TMPRSS4: variants seen among roughly 807,000 people sequenced by gnomAD.
The protein encoded by TMPRSS4 is transmembrane protease serine 4.
In TMPRSS4, 45 loss-of-function variants were observed where a neutral mutation model predicts 56.4. The observed-to-expected ratio is 0.80, with a 90% CI of 0.63 to 1.02. TMPRSS4 has a LOEUF of 1.02. Among genes scored for constraint, TMPRSS4 ranks in the 50% least tolerant of loss-of-function variants. The pLI is 0.00. For synonymous variants in TMPRSS4, 205 were observed against 211.0 expected (o/e 0.97, Z 0.25); for missense variants, 546 against 556.7 (o/e 0.98, Z 0.19).
At chr11:118,104,490 G>T (rs1351421379) in intron 4 of TMPRSS4, among the ~76,000 whole-genome samples, 1 of 152,184 alleles carries the variant, frequency 6.6e-6, no homozygotes, top group Non-Finnish European at 1.5e-5. Context: ...TGGGACTTCT[G>T]GTCACACTAG....
At chr11:118,108,551 A>T (rs1947114198) in intron 6 of TMPRSS4, 4 of 395,676 alleles carry the variant, frequency 1.0e-5, no homozygotes, top group Non-Finnish European at 1.3e-5. Context: ...AGTGTCACAG[A>T]CTCTGTTCCG....
In TMPRSS4 at chr11:118,077,121, C is replaced by A; in HGVS notation, c.-182C>A. 1 of 597,330 alleles carries A rather than the reference C, an allele frequency of 1.7e-6. No individual in the cohort carries two copies. The highest frequency in any genetic ancestry group is 2.9e-6 in the Non-Finnish European group (1 of 347,340). 37.0% of individuals were successfully genotyped at this position (597,330 alleles called of 1,614,324 possible). A position where few individuals can be genotyped will look rare whatever the true frequency, so the allele number is the denominator to read the frequency against. On this transcript the variant is annotated 5_prime_UTR_variant, in exon 1 of 13. Coordinates refer to ENST00000437212, the MANE Select transcript of TMPRSS4 (RefSeq NM_019894.4). ...GAGAGGCAGCAGCTTGCTCAGCGGACAAGGATGCTGGGCGTGAGGGACCAA... is the reference window on the plus strand; with the variant it reads ...GAGAGGCAGCAGCTTGCTCAGCGGAAAAGGATGCTGGGCGTGAGGGACCAA...
chr11:118,091,267 G>C (rs1945938957), intron 1 of TMPRSS4, among the ~76,000 whole-genome samples: 1 of 152,102 alleles, frequency 6.6e-6, no homozygotes. Context: ...CCTTGCTCCA[G>C]CCATGCCCAT....
chr11:118,115,818 A>G (rs958806142), intron 11 of TMPRSS4, among the ~76,000 whole-genome samples: 1 of 152,122 alleles, frequency 6.6e-6, no homozygotes, highest in African/African-American at 2.4e-5. Context: ...GCAAGACTCC[A>G]TCTGAAAACA....
intron 3 of TMPRSS4, among the ~76,000 whole-genome samples, chr11:118,102,339 G>T (rs1363886420): frequency 2.0e-5 from 3 of 152,226 alleles, no homozygotes; most frequent in African/African-American, 7.2e-5. Context: ...CTGCGAGGCA[G>T]ATATTATAGA....
intron 11 of TMPRSS4, 136 bp downstream of exon 11, chr11:118,115,416 AGAGG>A: frequency 9.0e-7 from 1 of 1,106,362 alleles, no homozygotes; most frequent in African/African-American, 1.6e-5. Flanking sequence ...TGGGAGGAAG[AGAGG>A]GAGGGAAGGA....
intron 1 of TMPRSS4, among the ~76,000 whole-genome samples, chr11:118,084,720 G>A (rs1174982163): frequency 6.6e-6 from 1 of 152,222 alleles, no homozygotes; most frequent in Non-Finnish European, 1.5e-5. Flanking sequence ...TATGTTTCAA[G>A]CACCAAGCCA....
At chr11:118,087,399 T>C (rs1263195535) in intron 1 of TMPRSS4, among the ~76,000 whole-genome samples, 2 of 152,194 alleles carry the variant, frequency 1.3e-5, no homozygotes, top group Non-Finnish European at 2.9e-5. Context: ...CGCCTCTTCT[T>C]CCTCTCCTTA....
chr11:118,107,889 C>T lies in TMPRSS4; in HGVS notation c.542+14C>T. ...GAACTCAAGTGGGTAAGTGAGGGGA[C>T]ACCTTCTGGCCTACAGAAGGCCCCC... On this transcript the variant is annotated intron_variant, in intron 6 of 12. Transcript: ENST00000437212. 6.2e-7 allele frequency: 1 copy of T among 1,611,302 alleles called. No individual in the cohort carries two copies. Among genetic ancestry groups the T allele is most frequent in the South Asian group, 1.1e-5 (1 of 90,798 alleles).
At position 118,094,851 on chromosome 11, in the gene TMPRSS4, C is replaced by A. The variant is rs989760562; in HGVS notation, c.39C>A (p.Ser13Arg). 3 of 1,612,434 alleles carry A rather than the reference C, an allele frequency of 1.9e-6. No individual in the cohort carries two copies. The highest frequency in any genetic ancestry group is 2.5e-6 in the Non-Finnish European group (3 of 1,179,366). The change falls in exon 2 of 13, where the codon AGC (serine) becomes AGA (arginine). Residue 13 changes from serine to arginine, a missense_variant. Transcript: ENST00000437212. ...CTGACAGTGATCAACCTCTGAACAG[C>A]CTCGGTAAGTTCAGGTCCGGCTTTC... is the stretch of plus-strand genomic sequence containing the variant. ...QDPDSDQPLNSLDVKPLRKPR... is the reference protein window; with the variant it reads ...QDPDSDQPLNRLDVKPLRKPR...
chr11:118,111,842 G>T lies in TMPRSS4; in HGVS notation c.685G>T (p.Val229Phe). The T allele has an allele frequency of 1.2e-6, 2 of 1,608,718 alleles. No individual in the cohort carries two copies. Among genetic ancestry groups the T allele is most frequent in the Non-Finnish European group, 1.7e-6 (2 of 1,177,846 alleles). ...QVSIQYDKQHVCGGSILDPHW... is the reference protein window; with the variant it reads ...QVSIQYDKQHFCGGSILDPHW... ...CAGCATCCAGTACGACAAACAGCAC[G>T]TCTGTGGAGGGAGCATCCTGGACCC... The change falls in exon 8 of 13, where the codon GTC becomes TTC. Residue 229 changes from valine (V) to phenylalanine (F), a missense_variant. By Grantham distance (50) the Val-to-Phe change is conservative (BLOSUM62 -1). Coordinates refer to ENST00000437212, the MANE Select transcript of TMPRSS4 (RefSeq NM_019894.4).
At chr11:118,111,974 C>T in intron 8 of TMPRSS4, 74 bp downstream of exon 8, 2 of 1,553,174 alleles carry the variant, frequency 1.3e-6, no homozygotes, top group Non-Finnish European at 1.7e-6. Context: ...GGTCCTGTCT[C>T]CTGGCACCGT....
At chr11:118,086,330 A>G (rs760396992) in intron 1 of TMPRSS4, among the ~76,000 whole-genome samples, 1 of 152,238 alleles carries the variant, frequency 6.6e-6, no homozygotes, top group Non-Finnish European at 1.5e-5. Flanking sequence ...CCCTGGAGCC[A>G]TTATGTGCTG....
chr11:118,101,895 C>T (rs991284543), intron 3 of TMPRSS4, among the ~76,000 whole-genome samples: 3 of 152,340 alleles, frequency 2.0e-5, no homozygotes, highest in Admixed American at 2.0e-4. Flanking sequence ...AATCTAAAGA[C>T]GGCGAGCAGA....
intron 2 of TMPRSS4, among the ~76,000 whole-genome samples, chr11:118,097,047 G>GAAAGGAAAGGAAAGGAAAGT (rs1207429785): frequency 6.6e-6 from 1 of 150,886 alleles, no homozygotes; most frequent in Non-Finnish European, 1.5e-5. Context: ...GGAAAGAAAG[G>GAAAGGAAAGGAAAGGAAAGT]AAAGGAAAGG....
intron 1 of TMPRSS4, among the ~76,000 whole-genome samples, chr11:118,089,290 G>A (rs1945795771): frequency 6.6e-6 from 1 of 152,188 alleles, no homozygotes; most frequent in Non-Finnish European, 1.5e-5. Flanking sequence ...AAAAGCCAAA[G>A]AATGAGCTAC....
At chr11:118,087,349 G>C (rs527902987) in intron 1 of TMPRSS4, among the ~76,000 whole-genome samples, 2 of 152,344 alleles carry the variant, frequency 1.3e-5, no homozygotes, top group East Asian at 3.9e-4. Flanking sequence ...GCAGACAGGA[G>C]CTGGCCGAGC....
intron 2 of TMPRSS4, chr11:118,095,185 A>T (rs1946219707): frequency 1.4e-5 from 4 of 293,556 alleles, no homozygotes; most frequent in Non-Finnish European, 2.6e-5. Flanking sequence ...ATGCTGGGCT[A>T]TAACACTAAT....
At chr11:118,102,983 G>T in intron 3 of TMPRSS4, 118 bp from the exon 4 acceptor site, 1 of 1,383,264 alleles carries the variant, frequency 7.2e-7, no homozygotes, top group African/African-American at 1.4e-5. Context: ...GCAAAACTGA[G>T]CCTGGAACTC....
Sources: allele counts gnomAD v4.1 joint callset (sites outside exome capture counted in the v4.1 genomes callset), GRCh38; gene constraint gnomAD v4.1.1; transcripts MANE v1.5; gene names NCBI Gene and HGNC (gene_info 2026-07-23, HGNC 2026-07-21).